SYT1: variants seen among roughly 807,000 people sequenced by gnomAD.
SYT1 encodes synaptotagmin 1, also known as synaptotagmin-1.
Under a neutral mutation model 44.8 loss-of-function variants are expected in SYT1, and 8 were observed. That is an observed-to-expected ratio of 0.18 (90% confidence interval 0.10 to 0.32). SYT1 has a LOEUF of 0.32. Among genes scored for constraint, SYT1 ranks in the 10% least tolerant of loss-of-function variants. SYT1 has a pLI of 1.00. For missense variants in SYT1, 286 were observed against 509.3 expected, an observed-to-expected ratio of 0.56 and a Z score of 4.22; for synonymous variants, 154 against 188.8, an observed-to-expected ratio of 0.82 and a Z score of 1.51.
chr12:79,300,789 T>TTATATATATATA (rs56934430), intron 8 of SYT1, among the ~76,000 whole-genome samples: 205 of 89,564 alleles, frequency 2.3e-3, no homozygotes, highest in Non-Finnish European at 3.3e-3. Flanking sequence ...TGTATACTTA[T>TTATATATATATA]TATATATATA....
chr12:79,248,629 A>T (rs1876995214), intron 4 of SYT1, among the ~76,000 whole-genome samples: 1 of 152,194 alleles, frequency 6.6e-6, no homozygotes, highest in Admixed American at 6.5e-5. Flanking sequence ...AAGATGGAGA[A>T]GGCTAACTTT....
intron 2 of SYT1, among the ~76,000 whole-genome samples, chr12:79,029,081 G>A (rs778468562): frequency 2.0e-5 from 3 of 151,180 alleles, no homozygotes; most frequent in African/African-American, 7.3e-5. Flanking sequence ...TGTTTTTGAA[G>A]TCCTACATGG....
At chr12:79,028,735 G>A (rs1317771120) in intron 2 of SYT1, among the ~76,000 whole-genome samples, 1 of 151,184 alleles carries the variant, frequency 6.6e-6, no homozygotes, top group Non-Finnish European at 1.5e-5. Flanking sequence ...TGTGGTATTG[G>A]GAAGGAATGA....
At chr12:79,269,408 C>T (rs1016997771) in intron 4 of SYT1, among the ~76,000 whole-genome samples, 4 of 152,072 alleles carry the variant, frequency 2.6e-5, no homozygotes, top group Non-Finnish European at 5.9e-5. Context: ...TTCTAAGCTC[C>T]TAGGGAAAGG....
chr12:79,185,758 G>A (rs908062121), intron 3 of SYT1, among the ~76,000 whole-genome samples: 1 of 151,924 alleles, frequency 6.6e-6, no homozygotes, highest in African/African-American at 2.4e-5. Context: ...ACCAAGTAAT[G>A]TATCATGTAA....
At chr12:78,948,640 G>A (rs1350120660) in intron 1 of SYT1, among the ~76,000 whole-genome samples, 4 of 151,778 alleles carry the variant, frequency 2.6e-5, no homozygotes, top group African/African-American at 9.7e-5. Context: ...TTAACCTAAG[G>A]CATGACAAGT....
intron 1 of SYT1, among the ~76,000 whole-genome samples, chr12:78,941,394 TACACACACACACACACACAC>T (rs71441941): frequency 0.096 from 13,800 of 143,788 alleles, 793 homozygotes; most frequent in Middle Eastern, 0.14. Flanking sequence ...TAATAGAATC[TACACACACACACACACACAC>T]ACACACACAC....
chr12:79,044,845 C>T (rs1343491523), intron 2 of SYT1, among the ~76,000 whole-genome samples: 1 of 151,916 alleles, frequency 6.6e-6, no homozygotes, highest in African/African-American at 2.4e-5. Flanking sequence ...TTCCTTCTAA[C>T]AGACAGGACC....
intron 9 of SYT1, among the ~76,000 whole-genome samples, chr12:79,420,886 GA>G (rs975185003): frequency 5.3e-5 from 8 of 150,852 alleles, no homozygotes; most frequent in Admixed American, 3.3e-4. Flanking sequence ...GTTCCCTAAG[GA>G]AAAAAAAAGT....
chr12:78,991,135 A>G (rs10861277), intron 2 of SYT1, among the ~76,000 whole-genome samples: 31,372 of 151,992 alleles, frequency 0.21, 3,820 homozygotes, highest in African/African-American at 0.35. Context: ...TCTTTATATT[A>G]ATTTTTATTC....
chr12:78,922,080 A>C (rs1438528693), intron 1 of SYT1, among the ~76,000 whole-genome samples: 2 of 151,970 alleles, frequency 1.3e-5, no homozygotes, highest in East Asian at 3.9e-4. Flanking sequence ...TTACTTCATA[A>C]AAATTATCCT....
chr12:79,271,223 T>G (rs1439105007), intron 4 of SYT1, among the ~76,000 whole-genome samples: 1 of 152,248 alleles, frequency 6.6e-6, no homozygotes, highest in Non-Finnish European at 1.5e-5. Context: ...GAGCATTTAC[T>G]TTTAAAATAT....
intron 3 of SYT1, among the ~76,000 whole-genome samples, chr12:79,121,925 A>G (rs1868268244): frequency 1.3e-5 from 2 of 152,222 alleles, no homozygotes; most frequent in Non-Finnish European, 2.9e-5. Flanking sequence ...ATAGCCTGAT[A>G]TATACAAAAA....
intron 9 of SYT1, among the ~76,000 whole-genome samples, chr12:79,362,686 T>G (rs1480146929): frequency 2.1e-5 from 3 of 144,232 alleles, no homozygotes; most frequent in Non-Finnish European, 3.0e-5. Flanking sequence ...GATGAAAGTC[T>G]GAAAATCATG....
chr12:78,900,481 T>C (rs996969549), intron 1 of SYT1, among the ~76,000 whole-genome samples: 1 of 151,998 alleles, frequency 6.6e-6, no homozygotes, highest in Non-Finnish European at 1.5e-5. Flanking sequence ...TCCTTTGAAC[T>C]GAGATCCAAT....
chr12:79,197,696 C>T (rs1039909616), intron 3 of SYT1, among the ~76,000 whole-genome samples: 1 of 152,016 alleles, frequency 6.6e-6, no homozygotes, highest in Non-Finnish European at 1.5e-5. Context: ...AAAGTAAATC[C>T]TGATCAGTTT....
chr12:78,915,466 A>T (rs918351193), intron 1 of SYT1, among the ~76,000 whole-genome samples: 14 of 151,958 alleles, frequency 9.2e-5, no homozygotes, highest in African/African-American at 2.9e-4. Flanking sequence ...GTCAAAAAAG[A>T]AAAAAAATGT....
intron 4 of SYT1, among the ~76,000 whole-genome samples, chr12:79,253,518 T>TCTCTCC (rs1565877274): frequency 6.7e-6 from 1 of 150,042 alleles, no homozygotes; most frequent in Non-Finnish European, 1.5e-5. Context: ...TCTCTCTCTC[T>TCTCTCC]CTCTCTCACC....
chr12:79,099,282 A>G (rs965361602), intron 3 of SYT1, among the ~76,000 whole-genome samples: 2 of 152,132 alleles, frequency 1.3e-5, no homozygotes, highest in Non-Finnish European at 2.9e-5. Flanking sequence ...TATTAATTCA[A>G]AAAATCCATT....
Sources: allele counts gnomAD v4.1 joint callset (sites outside exome capture counted in the v4.1 genomes callset), GRCh38; gene constraint gnomAD v4.1.1; transcripts MANE v1.5; gene names NCBI Gene and HGNC (gene_info 2026-07-23, HGNC 2026-07-21).